The following PTPRG variants were observed in gnomAD, a reference collection of about 807,000 sequenced individuals.
The protein encoded by PTPRG is protein tyrosine phosphatase receptor type G.
PTPRG carries 102 observed loss-of-function variants against 165.3 expected under a neutral mutation model. The ratio of observed to expected loss-of-function variants is 0.62; its 90% confidence interval spans 0.53 to 0.73. The LOEUF (loss-of-function observed/expected upper bound fraction) is 0.73, where lower values mean the gene tolerates loss of function less well. PTPRG is among the 30% of genes least tolerant of loss of function. The probability of loss-of-function intolerance (pLI) is 0.00; values close to 1 mark genes in which losing one functional copy is unlikely to be tolerated. For synonymous variants in PTPRG, 675 were observed against 669.5 expected (o/e 1.01, Z -0.13); for missense variants, 1,866 against 1,861.4 (o/e 1.00, Z -0.05).
intron 5 of PTPRG, among the ~76,000 whole-genome samples, chr3:62,094,365 A>G (rs1415007452): frequency 6.6e-6 from 1 of 152,154 alleles, no homozygotes; most frequent in East Asian, 1.9e-4. Context: ...ACCTAAGACA[A>G]TTAGGACTTT....
chr3:62,200,068 A>G (rs1027025661), intron 10 of PTPRG, among the ~76,000 whole-genome samples: 1 of 152,130 alleles, frequency 6.6e-6, no homozygotes, highest in African/African-American at 2.4e-5. Context: ...TAGAGAAAGT[A>G]CCGTGATGGT....
chr3:61,717,083 T>C (rs1449781332), intron 1 of PTPRG, among the ~76,000 whole-genome samples: 1 of 152,252 alleles, frequency 6.6e-6, no homozygotes, highest in African/African-American at 2.4e-5. Flanking sequence ...GATATATTGA[T>C]GCTCTTGTTT....
intron 1 of PTPRG, among the ~76,000 whole-genome samples, chr3:61,634,144 G>GGCC (rs1381438877): frequency 6.6e-6 from 1 of 151,896 alleles, no homozygotes; most frequent in Non-Finnish European, 1.5e-5. Flanking sequence ...TTGAACGCCT[G>GGCC]GCCTCAAGAG....
chr3:62,030,354 G>C (rs2107780492), intron 4 of PTPRG, among the ~76,000 whole-genome samples: 1 of 152,234 alleles, frequency 6.6e-6, no homozygotes, highest in African/African-American at 2.4e-5. Flanking sequence ...CATGAAAACA[G>C]TCTAATTGAA....
At chr3:61,630,672 C>G (rs1344944381) in intron 1 of PTPRG, among the ~76,000 whole-genome samples, 2 of 152,144 alleles carry the variant, frequency 1.3e-5, no homozygotes, top group African/African-American at 4.8e-5. Flanking sequence ...TTTATCATCT[C>G]AAGTCTCTTT....
intron 6 of PTPRG, among the ~76,000 whole-genome samples, chr3:62,137,673 A>C (rs1405134688): frequency 1.3e-5 from 2 of 152,006 alleles, no homozygotes; most frequent in Non-Finnish European, 2.9e-5. Flanking sequence ...TTTTGGTGCA[A>C]GTTTGGCTTT....
At chr3:61,584,230 A>G (rs1038025764) in intron 1 of PTPRG, among the ~76,000 whole-genome samples, 1 of 152,182 alleles carries the variant, frequency 6.6e-6, no homozygotes, top group Admixed American at 6.5e-5. Flanking sequence ...TAATTGTACA[A>G]CATTTAGAGC....
Position 61,990,994 on chromosome 3 carries a change from C to T in PTPRG, c.370+1190C>T, listed in dbSNP as rs575673953. Among the ~76,000 whole-genome samples, 10 of 149,182 alleles carry T rather than the reference C, an allele frequency of 6.7e-5. No homozygotes were observed. In the South Asian group the frequency reaches 1.3e-3, roughly 19 times the overall value. On this transcript the variant is annotated intron_variant, in intron 3 of 29. Coordinates refer to ENST00000474889, the MANE Select transcript of PTPRG (RefSeq NM_002841.4). Reference sequence around the variant, plus strand: ...CTCCAAACCATCATTTGAGATTATTCATAGCTGATTGCTTTGAGTTTGCCT... The same window carrying T: ...CTCCAAACCATCATTTGAGATTATTTATAGCTGATTGCTTTGAGTTTGCCT...
intron 1 of PTPRG, among the ~76,000 whole-genome samples, chr3:61,565,189 TC>T (rs1441807828): frequency 2.0e-5 from 3 of 152,196 alleles, no homozygotes; most frequent in Admixed American, 2.0e-4. Context: ...ATGAGCTTTT[TC>T]CCAGTGGATT....
chr3:61,693,872 G>C (rs2030381202), intron 1 of PTPRG, among the ~76,000 whole-genome samples: 1 of 152,022 alleles, frequency 6.6e-6, no homozygotes, highest in Non-Finnish European at 1.5e-5. Context: ...GCCAGGCATG[G>C]CAGCGGGCGC....
intron 1 of PTPRG, among the ~76,000 whole-genome samples, chr3:61,674,800 T>C (rs890989631): frequency 6.6e-6 from 1 of 152,216 alleles, no homozygotes; most frequent in Non-Finnish European, 1.5e-5. Flanking sequence ...CCAGTGTCAC[T>C]AGGTGATAAT....
intron 2 of PTPRG, among the ~76,000 whole-genome samples, chr3:61,987,817 G>C (rs1429796521): frequency 1.3e-5 from 2 of 152,070 alleles, no homozygotes; most frequent in Non-Finnish European, 2.9e-5. Flanking sequence ...AGGATAATTA[G>C]AGCCATTCCT....
intron 2 of PTPRG, among the ~76,000 whole-genome samples, chr3:61,829,002 T>C (rs2036192410): frequency 6.6e-6 from 1 of 152,234 alleles, no homozygotes; most frequent in African/African-American, 2.4e-5. Flanking sequence ...TGTCAGCATC[T>C]GCATGTGTTA....
chr3:61,815,840 T>G (rs1049334313), intron 2 of PTPRG, among the ~76,000 whole-genome samples: 1 of 152,208 alleles, frequency 6.6e-6, no homozygotes, highest in Non-Finnish European at 1.5e-5. Context: ...CAGCAGAACA[T>G]GTTCCTCATT....
At chr3:62,008,830 A>T (rs2041354943) in intron 4 of PTPRG, among the ~76,000 whole-genome samples, 1 of 152,120 alleles carries the variant, frequency 6.6e-6, no homozygotes, top group Non-Finnish European at 1.5e-5. Context: ...ACTGCTGCTG[A>T]TTTGACAGGA....
chr3:62,225,498 A>G (rs897138243), intron 13 of PTPRG, among the ~76,000 whole-genome samples: 1 of 151,878 alleles, frequency 6.6e-6, no homozygotes, highest in Non-Finnish European at 1.5e-5. Flanking sequence ...GAATTGTATT[A>G]CAAAGATATT....
chr3:61,863,024 G>A (rs1184676288), intron 2 of PTPRG, among the ~76,000 whole-genome samples: 1 of 150,760 alleles, frequency 6.6e-6, no homozygotes, highest in Non-Finnish European at 1.5e-5. Flanking sequence ...CTATGAGGGC[G>A]AACTGTAAGA....
chr3:61,856,471 C>T (rs1044798631), intron 2 of PTPRG, among the ~76,000 whole-genome samples: 1 of 152,162 alleles, frequency 6.6e-6, no homozygotes, highest in East Asian at 1.9e-4. Flanking sequence ...ACCATGATTT[C>T]ATTCTTCTTT....
At chr3:61,900,309 ATT>A (rs2038465464) in intron 2 of PTPRG, among the ~76,000 whole-genome samples, 3 of 152,184 alleles carry the variant, frequency 2.0e-5, no homozygotes, top group African/African-American at 7.2e-5. Context: ...ACTCCCATGA[ATT>A]TGAGAATTTA....
Sources: allele counts gnomAD v4.1 joint callset (sites outside exome capture counted in the v4.1 genomes callset), GRCh38; gene constraint gnomAD v4.1.1; transcripts MANE v1.5; gene names NCBI Gene and HGNC (gene_info 2026-07-23, HGNC 2026-07-21).